SDK2: variants seen among roughly 807,000 people sequenced by gnomAD.
The protein encoded by SDK2 is protein sidekick-2.
In SDK2, 105 loss-of-function variants were observed where a neutral mutation model predicts 253.9. The ratio of observed to expected loss-of-function variants is 0.41; its 90% CI spans 0.35 to 0.49. The LOEUF (loss-of-function observed/expected upper bound fraction) is 0.49, where lower values mean the gene tolerates loss of function less well. SDK2 is among the 20% of genes least tolerant of loss of function. The pLI is 0.06. For synonymous variants in SDK2, 1,249 were observed against 1,234.9 expected (o/e 1.01, Z -0.24); for missense variants, 2,608 against 3,003.0 (o/e 0.87, Z 3.07).
At chr17:73,553,889 C>A (rs1343361181) in intron 1 of SDK2, among the ~76,000 whole-genome samples, 1 of 152,116 alleles carries the variant, frequency 6.6e-6, no homozygotes, top group African/African-American at 2.4e-5. Context: ...ATCTGGCCTG[C>A]AGAAGACCTC....
At chr17:73,585,247 ACT>A (rs980331636) in intron 1 of SDK2, among the ~76,000 whole-genome samples, 1 of 152,122 alleles carries the variant, frequency 6.6e-6, no homozygotes, top group Non-Finnish European at 1.5e-5. Flanking sequence ...CTCAGAATGC[ACT>A]CTGTTTCCCC....
At chr17:73,437,303 G>A (rs111381378) in intron 8 of SDK2, among the ~76,000 whole-genome samples, 1 of 152,252 alleles carries the variant, frequency 6.6e-6, no homozygotes, top group African/African-American at 2.4e-5. Context: ...TCTTTCAAGG[G>A]GGGTTAAGTA....
intron 1 of SDK2, among the ~76,000 whole-genome samples, chr17:73,598,307 C>T (rs2045788883): frequency 6.6e-6 from 1 of 152,210 alleles, no homozygotes; most frequent in Non-Finnish European, 1.5e-5. Flanking sequence ...CCCCTGTCCT[C>T]CTGGCTCAGG....
chr17:73,643,904 G>T lies in SDK2; in HGVS notation c.64+121C>A. 1.2e-6 allele frequency: 1 copy of T among 848,690 alleles called. No homozygotes were observed. Among genetic ancestry groups the T allele is most frequent in the Non-Finnish European group, 1.9e-6 (1 of 531,624 alleles). 52.6% of individuals were successfully genotyped at this position (848,690 alleles called of 1,614,324 possible). Reference sequence around the variant, plus strand: ...GGTGTCTTGAAACTCCCTGGAGAGGGCTCTGCCACGGCTAAGCCGGGTGTC... The same window carrying T: ...GGTGTCTTGAAACTCCCTGGAGAGGTCTCTGCCACGGCTAAGCCGGGTGTC... On this transcript the variant is annotated intron_variant, in intron 1 of 44. Transcript: ENST00000392650. The surrounding 1 kb of genome is among the most constrained non-coding windows in gnomAD (Gnocchi z 6.9).
Position 73,394,272 on chromosome 17 carries a change from G to A in SDK2, c.3645C>T (p.Ser1215=), listed in dbSNP as rs1260173620. Residue 1215 remains serine, a synonymous_variant, in exon 26 of 45, where the codon AGC becomes AGT. Coordinates refer to ENST00000392650, the MANE Select transcript of SDK2 (RefSeq NM_001144952.2). ...GGACCTCGCTCCAGCGCACCAGCAT[G>A]CTGCTGGAGGTGGTGGCCAGTGCAG... is the stretch of plus-strand genomic sequence containing the variant. ...NVSALATTSS[S]MLVRWSEVPE... 11 of 1,603,342 alleles carry A rather than the reference G, an allele frequency of 6.9e-6. No homozygotes were observed. Among genetic ancestry groups the A allele is most frequent in the Non-Finnish European group, 9.4e-6 (11 of 1,172,968 alleles).
chr17:73,410,789 A>G (rs1463266623), intron 18 of SDK2, among the ~76,000 whole-genome samples: 1 of 152,162 alleles, frequency 6.6e-6, no homozygotes, highest in Non-Finnish European at 1.5e-5. Context: ...GCTGACCTTT[A>G]TCGAGTAGCT....
chr17:73,568,807 G>A (rs757459269), intron 1 of SDK2, among the ~76,000 whole-genome samples: 10 of 152,078 alleles, frequency 6.6e-5, no homozygotes, highest in Non-Finnish European at 1.2e-4. Context: ...CGTTAAACAG[G>A]CGACTGCAGA....
At chr17:73,400,987 T>A in intron 21 of SDK2, 33 bp downstream of exon 21, 1 of 1,541,674 alleles carries the variant, frequency 6.5e-7, no homozygotes. Context: ...TCAGGAGAAC[T>A]CAAAGAGTCC....
intron 5 of SDK2, among the ~76,000 whole-genome samples, chr17:73,445,531 A>G (rs2063447064): frequency 6.6e-6 from 1 of 152,138 alleles, no homozygotes; most frequent in Admixed American, 6.5e-5. Context: ...TCTGAAGAGC[A>G]TAGGGTCCCT....
chr17:73,365,149 A>G, intron 38 of SDK2, 109 bp downstream of exon 38: 1 of 764,564 alleles, frequency 1.3e-6, no homozygotes, highest in Non-Finnish European at 1.9e-6. Context: ...TAAGATGGGG[A>G]GACTCTCACC....
chr17:73,641,853 C>G (rs1446885448), intron 1 of SDK2, among the ~76,000 whole-genome samples: 1 of 152,118 alleles, frequency 6.6e-6, no homozygotes, highest in East Asian at 1.9e-4. Flanking sequence ...ATCCCACCCC[C>G]TCCAACACTC....
At position 73,388,818 on chromosome 17, in the gene SDK2, C is replaced by CCTTCCTTCCCTCCCTCTCCT. The variant is rs1568377581; in HGVS notation, c.4193-782_4193-781insAGGAGAGGGAGGGAAGGAAG. ...TCCCTCCTTCCTTCCTTCCCTCCCTCTCCTTCCTTCCTTCCTTCCCCCCTC... is the reference window on the plus strand; with the variant it reads ...TCCCTCCTTCCTTCCTTCCCTCCCTCCTTCCTTCCCTCCCTCTCCTTCCTTCCTTCCTTCCTTCCCCCCTC... On this transcript the variant is annotated intron_variant, in intron 29 of 44. Coordinates refer to ENST00000392650, the MANE Select transcript of SDK2 (RefSeq NM_001144952.2). 3.9e-4 allele frequency among the ~76,000 whole-genome samples: 9 copies of CCTTCCTTCCCTCCCTCTCCT among 23,260 alleles called. 1 individual carries two copies. The South Asian group carries it at 0.013, about 33-fold the overall frequency. The allele number at this position is 23,260 out of a possible 152,430, so 15.3% of individuals were successfully genotyped here.
At chr17:73,367,534 C>T (rs1288555346) in intron 37 of SDK2, among the ~76,000 whole-genome samples, 4 of 151,506 alleles carry the variant, frequency 2.6e-5, no homozygotes, top group Non-Finnish European at 5.9e-5. Flanking sequence ...GAGTCTTACT[C>T]TGTCACCCAG....
At chr17:73,402,594 C>A (rs2063037858) in intron 18 of SDK2, among the ~76,000 whole-genome samples, 1 of 152,082 alleles carries the variant, frequency 6.6e-6, no homozygotes, top group Admixed American at 6.6e-5. Flanking sequence ...GTGGCACACC[C>A]ATGAAGCCGG....
intron 1 of SDK2, among the ~76,000 whole-genome samples, chr17:73,592,245 C>G (rs1276136358): frequency 6.6e-6 from 1 of 152,228 alleles, no homozygotes; most frequent in Non-Finnish European, 1.5e-5. Flanking sequence ...CTGTACACTT[C>G]TTGGAAAGAT....
intron 38 of SDK2, 67 bp downstream of exon 38, chr17:73,365,191 G>C: frequency 7.8e-7 from 1 of 1,281,204 alleles, no homozygotes; most frequent in Admixed American, 2.4e-5. Context: ...GCTGTGATGG[G>C]CGCTGAGATG....
rs1366862241 is a variant in SDK2 at position 73,624,184 on chromosome 17, C to T, written c.64+19841G>A. 2.0e-5 allele frequency among the ~76,000 whole-genome samples: 3 copies of T among 152,224 alleles called. 1 individual carries two copies. Among genetic ancestry groups the T allele is most frequent in the East Asian group, 3.9e-4 (2 of 5,188 alleles). On this transcript the variant is annotated intron_variant, in intron 1 of 44. Coordinates refer to ENST00000392650, the MANE Select transcript of SDK2 (RefSeq NM_001144952.2). ...CTTCTCCATACATACTCCAGGCAAG[C>T]TGATAGAACTGATAGTTCATATTTT...
In SDK2 at chr17:73,395,102, A is replaced by C; in HGVS notation, c.3592+53T>G. The C allele has an allele frequency of 3.5e-6, 5 of 1,434,694 alleles. No homozygotes were observed. The highest frequency in any genetic ancestry group is 4.8e-6 in the Non-Finnish European group (5 of 1,052,378). 88.9% of individuals were successfully genotyped at this position (1,434,694 alleles called of 1,614,324 possible). A position where few individuals can be genotyped will look rare whatever the true frequency, so the allele number is the denominator to read the frequency against. On this transcript the variant is annotated intron_variant, in intron 25 of 44. Coordinates refer to ENST00000392650, the MANE Select transcript of SDK2 (RefSeq NM_001144952.2). The surrounding 1 kb of genome is among the most constrained non-coding windows in gnomAD (Gnocchi z 4.3). ...CGCGCTTGGATGACCCTGAGGGCAT[A>C]GAGACCAAGGAGGGGACAGGCAGCA... is the stretch of plus-strand genomic sequence containing the variant.
rs33923010 is a variant in SDK2 at position 73,449,602 on chromosome 17, C to CTT, written c.480-1856_480-1855dup. ...GTACCCTAATGATGCCCCCCCACCTCTTTTTTTTTTTTTTTTTTTTTTTCT... is the reference window on the plus strand; with the variant it reads ...GTACCCTAATGATGCCCCCCCACCTCTTTTTTTTTTTTTTTTTTTTTTTTTCT... On this transcript the variant is annotated intron_variant, in intron 4 of 44. Coordinates refer to ENST00000392650, the MANE Select transcript of SDK2 (RefSeq NM_001144952.2). 7.3e-4 allele frequency among the ~76,000 whole-genome samples: 69 copies of CTT among 94,320 alleles called. 2 individuals carry two copies. Among genetic ancestry groups the CTT allele is most frequent in the South Asian group, 2.4e-3 (6 of 2,480 alleles). The allele number at this position is 94,320 out of a possible 152,430, so 61.9% of individuals were successfully genotyped here. A position where few individuals can be genotyped will look rare whatever the true frequency, so the allele number is the denominator to read the frequency against.
Sources: gnomAD v4.1 joint callset for allele counts (sites outside exome capture counted in the v4.1 genomes callset) on GRCh38, gnomAD v4.1.1 for gene constraint, Gnocchi (gnomAD v3.1) non-coding constraint, MANE v1.5 for transcripts, NCBI Gene and HGNC (gene_info 2026-07-23, HGNC 2026-07-21) for gene names.